Variants in SORBS2 observed in about 807,000 individuals in gnomAD.
The protein encoded by SORBS2 is sorbin and SH3 domain containing 2, also known as sorbin and SH3 domain-containing protein 2.
Under a neutral mutation model 97.7 loss-of-function variants are expected in SORBS2, and 46 were observed. The ratio of observed to expected loss-of-function variants is 0.47; its 90% CI spans 0.37 to 0.60. The LOEUF (loss-of-function observed/expected upper bound fraction) is 0.60, where lower values mean the gene tolerates loss of function less well. SORBS2 is among the 20% of genes least tolerant of loss of function. The pLI, the probability that SORBS2 is intolerant of heterozygous loss-of-function variation, is 0.00. For missense variants in SORBS2, 1,316 were observed against 1,282.3 expected (o/e 1.03, Z -0.40); for synonymous variants, 476 against 473.4 (o/e 1.01, Z -0.07).
At chr4:185,696,587 G>A (rs2098178556) in intron 2 of SORBS2, among the ~76,000 whole-genome samples, 1 of 152,112 alleles carries the variant, frequency 6.6e-6, no homozygotes, top group Non-Finnish European at 1.5e-5. Flanking sequence ...CCGAGTAGCT[G>A]GGATTACAGG....
chr4:185,659,062 G>T (rs1159724049), upstream of SORBS2, among the ~76,000 whole-genome samples: 1 of 152,054 alleles, frequency 6.6e-6, no homozygotes, highest in Non-Finnish European at 1.5e-5. Context: ...TTAAAATTCA[G>T]ATCTCTCTGA....
chr4:185,916,798 T>C (rs1579483114), intron 1 of SORBS2, among the ~76,000 whole-genome samples: 1 of 152,156 alleles, frequency 6.6e-6, no homozygotes, highest in East Asian at 1.9e-4. Flanking sequence ...CAAAGAATTA[T>C]GTGGCCCCAA....
rs78592779 is a variant in SORBS2, at chr4:185,647,650, T to C, written c.282-868A>G. The stretch of plus-strand genomic sequence containing the variant: ...CTCCATGGCCCGTTGGAAATAGAAA[T>C]ACTCTAAGAGACAGAATTAGGGACA... On this transcript the variant is annotated intron_variant, in intron 3 of 14. Transcript: ENST00000418609. Among the ~76,000 whole-genome samples, 195 of 152,196 alleles carry C rather than the reference T, an allele frequency of 1.3e-3. 4 individuals are homozygous for C. In the East Asian group the frequency reaches 0.033, roughly 26 times the overall value.
chr4:185,867,104 C>T (rs960383148), intron 1 of SORBS2, among the ~76,000 whole-genome samples: 2 of 152,084 alleles, frequency 1.3e-5, no homozygotes, highest in African/African-American at 4.8e-5. Flanking sequence ...CCCCGCCTCC[C>T]AGGTTCAAGC....
chr4:185,946,242 G>A (rs1178545031), intron 1 of SORBS2, among the ~76,000 whole-genome samples: 2 of 152,168 alleles, frequency 1.3e-5, no homozygotes, highest in Non-Finnish European at 2.9e-5. Context: ...GAGAACATGA[G>A]TAGATGTGTG....
At chr4:185,835,060 G>A (rs1405298750) in intron 1 of SORBS2, among the ~76,000 whole-genome samples, 1 of 152,130 alleles carries the variant, frequency 6.6e-6, no homozygotes, top group African/African-American at 2.4e-5. Flanking sequence ...GTGTGCGGCA[G>A]CTCCCCCCAA....
intron 1 of SORBS2, among the ~76,000 whole-genome samples, chr4:185,824,210 T>C (rs1305176623): frequency 2.0e-5 from 3 of 152,182 alleles, no homozygotes; most frequent in Admixed American, 1.3e-4. Context: ...GGAGGATCTT[T>C]CCTTGCCTCT....
chr4:185,682,317 G>C (rs1426216842), intron 2 of SORBS2, among the ~76,000 whole-genome samples: 6 of 152,178 alleles, frequency 3.9e-5, no homozygotes, highest in Admixed American at 3.9e-4. Context: ...CTGACAAGGG[G>C]TTTTGGTGAA....
At chr4:185,594,180 C>G (rs1388543571) in intron 12 of SORBS2, among the ~76,000 whole-genome samples, 2 of 152,096 alleles carry the variant, frequency 1.3e-5, no homozygotes, top group African/African-American at 4.8e-5. Context: ...CTAGTCTGCT[C>G]AAGCTTTAAG....
chr4:185,946,798 C>T (rs1216491454), intron 1 of SORBS2, among the ~76,000 whole-genome samples: 1 of 152,164 alleles, frequency 6.6e-6, no homozygotes, highest in Non-Finnish European at 1.5e-5. Context: ...GACAATAAAA[C>T]CTTCGGTTGG....
chr4:185,757,279 T>C (rs1303939539), intron 2 of SORBS2: 2 of 207,198 alleles, frequency 9.7e-6, no homozygotes, highest in Non-Finnish European at 2.0e-5. Flanking sequence ...CATCCAGTTG[T>C]GTGGCCATTT....
chr4:185,690,556 G>GCATC lies in SORBS2; in HGVS notation c.-197-11735_-197-11734insGATG. 5 of 1,522,468 alleles carry GCATC rather than the reference G, an allele frequency of 3.3e-6. No individual in the cohort carries two copies. Among genetic ancestry groups the GCATC allele is most frequent in the Non-Finnish European group, 4.4e-6 (5 of 1,126,844 alleles). The allele number at this position is 1,522,468 out of a possible 1,614,324, so 94.3% of individuals were successfully genotyped here. On this transcript the variant is annotated intron_variant, in intron 2 of 20. Coordinates refer to the SORBS2 transcript ENST00000284776. ...TAAAAGAGTTTAAAACTAACAGACAGCATACCTGTGTTCATTTTCACCTTG... is the reference window on the plus strand; with the variant it reads ...TAAAAGAGTTTAAAACTAACAGACAGCATCCATACCTGTGTTCATTTTCACCTTG...
chr4:185,682,468 G>T (rs1179355518), intron 2 of SORBS2, among the ~76,000 whole-genome samples: 1 of 152,162 alleles, frequency 6.6e-6, no homozygotes, highest in East Asian at 1.9e-4. Flanking sequence ...CTGACTCAGG[G>T]GACAAATAGG....
At chr4:185,876,241 G>T (rs1315651805) in intron 1 of SORBS2, among the ~76,000 whole-genome samples, 3 of 152,084 alleles carry the variant, frequency 2.0e-5, no homozygotes, top group African/African-American at 7.2e-5. Flanking sequence ...CTGAGTAGCT[G>T]GGATTACAGG....
chr4:185,685,156 T>C (rs1487964299), intron 2 of SORBS2, among the ~76,000 whole-genome samples: 2 of 152,222 alleles, frequency 1.3e-5, no homozygotes, highest in African/African-American at 4.8e-5. Context: ...CAACTTTGTT[T>C]ATACCATTTA....
chr4:185,947,944 T>C (rs1008431792), intron 1 of SORBS2, among the ~76,000 whole-genome samples: 11 of 152,166 alleles, frequency 7.2e-5, no homozygotes, highest in African/African-American at 2.4e-4. Context: ...TTCAAATGAG[T>C]CAATTCATGT....
At chr4:185,879,433 G>A (rs1199572215) in intron 1 of SORBS2, among the ~76,000 whole-genome samples, 1 of 152,020 alleles carries the variant, frequency 6.6e-6, no homozygotes, top group Non-Finnish European at 1.5e-5. Context: ...TGGACATTCG[G>A]GTTGGTTCCA....
Position 185,846,161 on chromosome 4 carries a change from C to CT in SORBS2, c.-337-70796dup, listed in dbSNP as rs1233585453. On this transcript the variant is annotated intron_variant, in intron 1 of 20. Coordinates refer to the SORBS2 transcript ENST00000284776. The stretch of plus-strand genomic sequence containing the variant: ...TGGAAACAACACAAATGTCCATCAC[C>CT]TGGAGAGTGGATACAGAAACGATGG... Among the ~76,000 whole-genome samples, 10 of 152,290 alleles carry CT rather than the reference C, an allele frequency of 6.6e-5. No homozygotes were observed. The East Asian group carries it at 1.9e-3, about 29-fold the overall frequency.
At chr4:185,905,337 G>A (rs1294186696) in intron 1 of SORBS2, among the ~76,000 whole-genome samples, 1 of 152,070 alleles carries the variant, frequency 6.6e-6, no homozygotes, top group African/African-American at 2.4e-5. Flanking sequence ...AATCATTTAA[G>A]GGTGTATGGA....
Sources: gnomAD v4.1 joint callset for allele counts (sites outside exome capture counted in the v4.1 genomes callset) on GRCh38, gnomAD v4.1.1 for gene constraint, MANE v1.5 for transcripts, NCBI Gene and HGNC (gene_info 2026-07-23, HGNC 2026-07-21) for gene names.